Variants in CTNNA2 observed in about 807,000 individuals in gnomAD.
The protein encoded by CTNNA2 is catenin alpha-2.
CTNNA2 carries 42 observed loss-of-function variants against 101.0 expected under a neutral mutation model. The ratio of observed to expected loss-of-function variants is 0.42; its 90% CI spans 0.32 to 0.54. CTNNA2 has a LOEUF of 0.54. Ranked by LOEUF, CTNNA2 falls within the 20% of genes least tolerant of loss-of-function variation. The pLI is 0.14. For missense variants in CTNNA2, 871 were observed against 1,223.1 expected (o/e 0.71, Z 4.29); for synonymous variants, 450 against 456.4 (o/e 0.99, Z 0.18).
chr2:80,543,438 TAAATG>T (rs1691754680), intron 9 of CTNNA2, among the ~76,000 whole-genome samples: 1 of 152,178 alleles, frequency 6.6e-6, no homozygotes, highest in Non-Finnish European at 1.5e-5. Flanking sequence ...TATAAGAAAT[TAAATG>T]GTAATGTTTG....
intron 7 of CTNNA2, among the ~76,000 whole-genome samples, chr2:80,378,395 TAAATA>T: frequency 6.7e-6 from 1 of 148,802 alleles, no homozygotes; most frequent in South Asian, 2.1e-4. Context: ...AATAAATAAA[TAAATA>T]AATAAATAAC....
At chr2:80,581,555 G>T in intron 13 of CTNNA2, 151 bp from the exon 14 acceptor site, 1 of 535,296 alleles carries the variant, frequency 1.9e-6, no homozygotes, top group Non-Finnish European at 3.4e-6. Context: ...ACTGCATTCC[G>T]GCTAATACTC....
At chr2:79,995,762 A>G (rs191602173) in intron 7 of CTNNA2, among the ~76,000 whole-genome samples, 38 of 152,280 alleles carry the variant, frequency 2.5e-4, no homozygotes, top group African/African-American at 8.4e-4. Flanking sequence ...GGAGTGAGCT[A>G]TGATGGATCA....
At chr2:79,818,514 A>G (rs1558956893) in intron 3 of CTNNA2, among the ~76,000 whole-genome samples, 2 of 150,962 alleles carry the variant, frequency 1.3e-5, no homozygotes, top group Admixed American at 6.6e-5. Context: ...ACGGGGTTTC[A>G]CCATGTTGGC....
chr2:80,537,319 CTA>C (rs1185386774), intron 9 of CTNNA2, among the ~76,000 whole-genome samples: 1 of 152,112 alleles, frequency 6.6e-6, no homozygotes, highest in Non-Finnish European at 1.5e-5. Context: ...CTTATCAAGT[CTA>C]TAATTGATGG....
chr2:79,583,787 A>G (rs1207267321), intron 1 of CTNNA2, among the ~76,000 whole-genome samples: 1 of 152,162 alleles, frequency 6.6e-6, no homozygotes, highest in Non-Finnish European at 1.5e-5. Context: ...AATGACTTGG[A>G]GACTCTTATA....
chr2:79,744,674 A>G, intron 3 of CTNNA2, 92 bp downstream of exon 3: 2 of 1,241,038 alleles, frequency 1.6e-6, no homozygotes, highest in South Asian at 3.4e-5. Flanking sequence ...TTACTCAAAG[A>G]AGAAGTCTTA....
intron 18 of CTNNA2, among the ~76,000 whole-genome samples, chr2:80,636,573 C>T (rs537303115): frequency 5.9e-5 from 9 of 152,030 alleles, no homozygotes; most frequent in Non-Finnish European, 1.2e-4. Context: ...TGGTGTCATC[C>T]TTTACCAGGT....
intron 7 of CTNNA2, among the ~76,000 whole-genome samples, chr2:80,002,803 C>T (rs968479195): frequency 1.3e-5 from 2 of 152,194 alleles, no homozygotes; most frequent in African/African-American, 4.8e-5. Flanking sequence ...CACTGATATA[C>T]TTCTGCCTAC....
chr2:79,646,524 C>CTTTT (rs67454188), intron 1 of CTNNA2, among the ~76,000 whole-genome samples: 56 of 106,122 alleles, frequency 5.3e-4, no homozygotes, highest in Non-Finnish European at 6.5e-4. Flanking sequence ...TTCTTTCTGT[C>CTTTT]TTTTTTTTTT....
intron 9 of CTNNA2, among the ~76,000 whole-genome samples, chr2:80,459,308 C>G (rs543007088): frequency 1.3e-5 from 2 of 152,168 alleles, no homozygotes; most frequent in South Asian, 4.2e-4. Flanking sequence ...TAATGTGCCT[C>G]CAGGCTAAAA....
chr2:79,727,767 C>A (rs1244990982), intron 2 of CTNNA2, among the ~76,000 whole-genome samples: 1 of 139,682 alleles, frequency 7.2e-6, no homozygotes, highest in Non-Finnish European at 1.5e-5. Context: ...GTGATGTTCC[C>A]CTTCCTGTGT....
intron 11 of CTNNA2, among the ~76,000 whole-genome samples, chr2:80,555,219 G>A (rs1156960354): frequency 6.6e-6 from 1 of 152,174 alleles, no homozygotes; most frequent in Non-Finnish European, 1.5e-5. Context: ...TGTGTCCAAA[G>A]CTTTGACTCT....
At chr2:80,434,517 G>C (rs1681854873) in intron 9 of CTNNA2, among the ~76,000 whole-genome samples, 1 of 133,604 alleles carries the variant, frequency 7.5e-6, no homozygotes, top group African/African-American at 2.8e-5. Context: ...TTGAGCCAGG[G>C]TTTCACCCTG....
intron 17 of CTNNA2, among the ~76,000 whole-genome samples, chr2:80,617,751 G>C (rs893404425): frequency 6.6e-6 from 1 of 151,836 alleles, no homozygotes; most frequent in Admixed American, 6.6e-5. Context: ...TGCAATTATT[G>C]TAATACACTT....
chr2:80,390,201 A>G (rs1440012744), intron 7 of CTNNA2, among the ~76,000 whole-genome samples: 1 of 151,930 alleles, frequency 6.6e-6, no homozygotes, highest in Non-Finnish European at 1.5e-5. Context: ...GGTCCAGCTA[A>G]TTTTCTCTTT....
intron 3 of CTNNA2, among the ~76,000 whole-genome samples, chr2:79,326,515 A>C (rs1676751465): frequency 6.6e-6 from 1 of 152,160 alleles, no homozygotes; most frequent in South Asian, 2.1e-4. Context: ...AAAAGTTACA[A>C]AGGAATATTT....
chr2:79,590,355 C>T (rs1295475151), intron 1 of CTNNA2, among the ~76,000 whole-genome samples: 1 of 152,108 alleles, frequency 6.6e-6, no homozygotes, highest in African/African-American at 2.4e-5. Context: ...TCTTCAGATA[C>T]TGTTCTTATT....
chr2:80,363,252 G>A (rs1471555397), intron 7 of CTNNA2, among the ~76,000 whole-genome samples: 1 of 150,336 alleles, frequency 6.7e-6, no homozygotes, highest in African/African-American at 2.4e-5. Context: ...AAAACATGAA[G>A]AAAAAAAAAT....
Sources: gnomAD v4.1 joint callset for allele counts (sites outside exome capture counted in the v4.1 genomes callset) on GRCh38, gnomAD v4.1.1 for gene constraint, MANE v1.5 for transcripts, NCBI Gene and HGNC (gene_info 2026-07-23, HGNC 2026-07-21) for gene names.